The following BCAT1 variants were observed in gnomAD, a reference collection of about 807,000 sequenced individuals.
BCAT1 encodes the protein branched chain amino acid transaminase 1.
BCAT1 carries 48 observed loss-of-function variants against 52.4 expected under a neutral mutation model. That is an observed-to-expected ratio of 0.92 (90% CI 0.73 to 1.16). BCAT1 has a LOEUF of 1.16. BCAT1 is among the 50% of genes most tolerant of loss of function. The pLI is 0.00. For missense variants in BCAT1, 451 were observed against 457.1 expected (o/e 0.99, Z 0.12); for synonymous variants, 167 against 161.3 (o/e 1.04, Z -0.27).
chr12:24,902,925 C>G (rs1230617756), intron 1 of BCAT1: 1 of 1,511,156 alleles, frequency 6.6e-7, no homozygotes, highest in Non-Finnish European at 8.8e-7. Context: ...CCCCCTTCCG[C>G]AAACGCCCGG....
chr12:24,834,240 A>G lies in BCAT1; in HGVS notation c.904-1377T>C, dbSNP rs943387001. The G allele has an allele frequency of 6.1e-6, 6 of 981,502 alleles. No individual in the cohort carries two copies. The African/African-American group carries it at 1.1e-4, about 17-fold the overall frequency. The allele number at this position is 981,502 out of a possible 1,614,324, so 60.8% of individuals were successfully genotyped here. A position where few individuals can be genotyped will look rare whatever the true frequency, so the allele number is the denominator to read the frequency against. ...TTATTTGAGAAATTGTATTGTATGTATTTTTTTTCCTAATATGACTAACAG... is the reference window on the plus strand; with the variant it reads ...TTATTTGAGAAATTGTATTGTATGTGTTTTTTTTCCTAATATGACTAACAG... On this transcript the variant is annotated intron_variant, in intron 8 of 10. Transcript: ENST00000261192.
intron 1 of BCAT1, among the ~76,000 whole-genome samples, chr12:24,905,798 C>T (rs941198485): frequency 6.6e-6 from 1 of 151,268 alleles, no homozygotes; most frequent in Non-Finnish European, 1.5e-5. Context: ...TATGCAGGAG[C>T]GGTGACAGAA....
chr12:24,816,797 G>A lies in BCAT1; in HGVS notation c.*1211C>T, dbSNP rs1939891606. 5.2e-6 allele frequency: 2 copies of A among 383,282 alleles called. No individual in the cohort carries two copies. Among genetic ancestry groups the A allele is most frequent in the African/African-American group, 2.1e-5 (1 of 48,236 alleles). The allele number at this position is 383,282 out of a possible 1,614,324, so 23.7% of individuals were successfully genotyped here. A position where few individuals can be genotyped will look rare whatever the true frequency, so the allele number is the denominator to read the frequency against. On this transcript the variant is annotated 3_prime_UTR_variant, in exon 11 of 11. Transcript: ENST00000261192. Reference sequence around the variant, plus strand: ...TCAGGATGAAACTGTTACACCTCAGGTCATCAAGCATTAGATTCTCATAAG... The same window carrying A: ...TCAGGATGAAACTGTTACACCTCAGATCATCAAGCATTAGATTCTCATAAG...
At chr12:24,835,215 T>C (rs1046122199) in intron 8 of BCAT1, among the ~76,000 whole-genome samples, 1 of 152,244 alleles carries the variant, frequency 6.6e-6, no homozygotes, top group Non-Finnish European at 1.5e-5. Context: ...GTAAATGTCA[T>C]GCCCAATGCG....
At chr12:24,822,412 G>T (rs556677386) in intron 10 of BCAT1, among the ~76,000 whole-genome samples, 1 of 152,206 alleles carries the variant, frequency 6.6e-6, no homozygotes, top group African/African-American at 2.4e-5. Flanking sequence ...TTCGGTGGCT[G>T]TTGTTGGCCT....
chr12:24,875,006 C>CAAAAAAAAAAAAAAAAAAAAAA (rs11370314), intron 5 of BCAT1, among the ~76,000 whole-genome samples: 1 of 138,012 alleles, frequency 7.2e-6, no homozygotes. Flanking sequence ...AAGACAGGAC[C>CAAAAAAAAAAAAAAAAAAAAAA]AAAAAAAAAA....
intron 5 of BCAT1, among the ~76,000 whole-genome samples, chr12:24,851,508 T>C (rs540712994): frequency 6.6e-6 from 1 of 152,340 alleles, no homozygotes; most frequent in Admixed American, 6.5e-5. Flanking sequence ...GAAAGGCATG[T>C]CACCTTAGGA....
At chr12:24,834,130 T>C (rs549443814) in intron 8 of BCAT1, 2 of 979,656 alleles carry the variant, frequency 2.0e-6, no homozygotes, top group African/African-American at 3.5e-5. Context: ...ACGGCTTACC[T>C]ATATCTTTTA....
intron 5 of BCAT1, among the ~76,000 whole-genome samples, chr12:24,857,704 C>G (rs1334907533): frequency 6.6e-6 from 1 of 152,174 alleles, no homozygotes; most frequent in Non-Finnish European, 1.5e-5. Context: ...CCTCATGGAA[C>G]CCCAGGAATT....
At chr12:24,930,265 C>G (rs1381312082) in intron 1 of BCAT1, among the ~76,000 whole-genome samples, 1 of 152,222 alleles carries the variant, frequency 6.6e-6, no homozygotes, top group Non-Finnish European at 1.5e-5. Context: ...TCAACCCCAG[C>G]TCTGGCATTA....
Position 24,901,844 on chromosome 12 carries a change from T to A in BCAT1, c.48A>T (p.Gly16=). The change falls in exon 2 of 11, where the codon GGA becomes GGT. Residue 16 remains glycine, a synonymous_variant. Transcript: ENST00000261192. Reference sequence around the variant, plus strand: ...AAGTCCCCACCACCTCTTTTGATCCTCCTTCTCCGGTACACTCTGCGGAGC... The same window carrying A: ...AAGTCCCCACCACCTCTTTTGATCCACCTTCTCCGGTACACTCTGCGGAGC... ...NGCSAECTGE[G]GSKEVVGTFK... 1 of 1,613,992 alleles carries A rather than the reference T, an allele frequency of 6.2e-7. No homozygotes were observed.
At chr12:24,902,377 G>A in intron 1 of BCAT1, 1 of 1,157,236 alleles carries the variant, frequency 8.6e-7, no homozygotes, top group East Asian at 5.0e-5. Context: ...CTCCGATGCC[G>A]CAGCATCCAC....
intron 8 of BCAT1, chr12:24,834,232 TTGTA>T (rs1457750623): frequency 2.0e-6 from 2 of 980,992 alleles, no homozygotes; most frequent in African/African-American, 3.5e-5. Context: ...AGAAATTGTA[TTGTA>T]TGTATTTTTT....
chr12:24,811,211 G>C lies in BCAT1; in HGVS notation c.*6797C>G, dbSNP rs1180472679. 6 of 151,998 alleles carry C rather than the reference G, an allele frequency of 3.9e-5. No individual in the cohort carries two copies. 9.4% of individuals were successfully genotyped at this position (151,998 alleles called of 1,614,324 possible). On this transcript the variant is annotated 3_prime_UTR_variant, in exon 11 of 11. Transcript: ENST00000261192. ...CAGTGGTGTGGTTTCTGGTCTTTCT[G>C]GTGTGCTCAATTCTCTCTGTGTCAT...
At chr12:24,927,279 G>A (rs530738067) in intron 1 of BCAT1, among the ~76,000 whole-genome samples, 2 of 152,014 alleles carry the variant, frequency 1.3e-5, no homozygotes, top group East Asian at 3.9e-4. Flanking sequence ...CTGTACTCCA[G>A]CCTGGGTGAC....
chr12:24,846,285 C>G lies in BCAT1; in HGVS notation c.674+3501G>C, dbSNP rs370089370. Among the ~76,000 whole-genome samples, 9 of 152,216 alleles carry G rather than the reference C, an allele frequency of 5.9e-5. No homozygotes were observed. The East Asian group carries it at 7.7e-4, about 13-fold the overall frequency. ...ATATTCTGTAGATGGTCTTTATTCCCCCAAACAAGTTTTAATTTTCCCAGA... is the reference window on the plus strand; with the variant it reads ...ATATTCTGTAGATGGTCTTTATTCCGCCAAACAAGTTTTAATTTTCCCAGA... On this transcript the variant is annotated intron_variant, in intron 6 of 10. Coordinates refer to ENST00000261192, the MANE Select transcript of BCAT1 (RefSeq NM_005504.7).
In BCAT1 at chr12:24,861,637, A is replaced by G. The variant is rs114736374; in HGVS notation, c.511-11688T>C. ...GAAGATGGATCTTCATCTGTCTGCA[A>G]ATTTTGGGATTAAGGGTCCCTTTGG... On this transcript the variant is annotated intron_variant, in intron 5 of 10. Transcript: ENST00000261192. 5.0e-3 allele frequency among the ~76,000 whole-genome samples: 764 copies of G among 152,294 alleles called. 6 individuals are homozygous for G. The highest frequency in any genetic ancestry group is 0.017 in the African/African-American group (716 of 41,554).
At chr12:24,858,241 G>C (rs1016387069) in intron 5 of BCAT1, among the ~76,000 whole-genome samples, 1 of 152,142 alleles carries the variant, frequency 6.6e-6, no homozygotes, top group African/African-American at 2.4e-5. Flanking sequence ...TTTGTGTGTT[G>C]TATGTGTGAT....
At chr12:24,871,924 A>T (rs1028605045) in intron 5 of BCAT1, among the ~76,000 whole-genome samples, 18 of 152,240 alleles carry the variant, frequency 1.2e-4, no homozygotes, top group African/African-American at 4.1e-4. Flanking sequence ...TTATGCAAAT[A>T]AAACTGAATA....
Sources: gnomAD v4.1 joint callset for allele counts (sites outside exome capture counted in the v4.1 genomes callset) on GRCh38, gnomAD v4.1.1 for gene constraint, MANE v1.5 for transcripts, NCBI Gene and HGNC (gene_info 2026-07-23, HGNC 2026-07-21) for gene names.